The following GOLGA7B variants were observed in gnomAD, a reference collection of about 807,000 sequenced individuals.
The protein encoded by GOLGA7B is golgin A7 family member B.
In GOLGA7B, 17 loss-of-function variants were observed where a neutral mutation model predicts 21.5. That is an observed-to-expected ratio of 0.79 (90% confidence interval 0.54 to 1.19). GOLGA7B has a LOEUF of 1.19. GOLGA7B is among the 50% of genes most tolerant of loss of function. The pLI is 0.00. For synonymous variants in GOLGA7B, 87 were observed against 84.0 expected (o/e 1.04, Z -0.19); for missense variants, 169 against 224.4 (o/e 0.75, Z 1.58).
rs201805184 is a variant in GOLGA7B, at chr10:97,859,445, C to T, written c.13-13C>T. 67 of 1,613,750 alleles carry T rather than the reference C, an allele frequency of 4.2e-5. No homozygotes were observed. In the African/African-American group the frequency reaches 7.7e-4, roughly 19 times the overall value. ...GGTCACTCTCAGCACATGCCGCCCG[C>T]ACGTCTCCTCAGGTCCACAATCTGC... On this transcript the variant is annotated splice_polypyrimidine_tract_variant and intron_variant, in intron 1 of 4. Coordinates refer to ENST00000370602, the MANE Select transcript of GOLGA7B (RefSeq NM_001010917.3).
intron 1 of GOLGA7B, among the ~76,000 whole-genome samples, chr10:97,857,362 GACACACACACACACACACACAC>G (rs60908270): frequency 3.0e-5 from 4 of 135,446 alleles, no homozygotes; most frequent in Admixed American, 2.9e-4. Flanking sequence ...ACAATAGCCA[GACACACACACACACACACACAC>G]ACACACACAC....
rs2050050970 is a variant in GOLGA7B at position 97,868,252 on chromosome 10, A to T, written c.*2552A>T. The T allele has an allele frequency of 6.6e-6, 1 of 152,286 alleles. No homozygotes were observed. The highest frequency in any genetic ancestry group is 2.4e-5 in the African/African-American group (1 of 41,460). The allele number at this position is 152,286 out of a possible 1,614,324, so 9.4% of individuals were successfully genotyped here. A position where few individuals can be genotyped will look rare whatever the true frequency, so the allele number is the denominator to read the frequency against. ...GCTGAAACCATATGTTAGAGCTGGC[A>T]GGGGATTTAAAGATCACTTGAATCC... is the stretch of plus-strand genomic sequence containing the variant. On this transcript the variant is annotated 3_prime_UTR_variant, in exon 5 of 5. Transcript: ENST00000370602.
At chr10:97,865,437 G>A in intron 4 of GOLGA7B, 153 bp from the exon 5 acceptor site, 1 of 1,333,516 alleles carries the variant, frequency 7.5e-7, no homozygotes, top group Non-Finnish European at 1.0e-6. Context: ...GATGGGCTTG[G>A]GGAGGGTCTA....
At chr10:97,857,651 C>T (rs116584774) in intron 1 of GOLGA7B, among the ~76,000 whole-genome samples, 1 of 152,056 alleles carries the variant, frequency 6.6e-6, no homozygotes, top group African/African-American at 2.4e-5. Flanking sequence ...CAAAAGAGAA[C>T]CTGAATAGCC....
chr10:97,870,921 G>A lies in GOLGA7B; in HGVS notation c.*5221G>A, dbSNP rs1448425641. ...CCGTTATCTGAGGAGAGCATCTACA[G>A]CTTTCAGCAGATTCTCAAAGGGGTA... is the stretch of plus-strand genomic sequence containing the variant. On this transcript the variant is annotated 3_prime_UTR_variant, in exon 5 of 5. Coordinates refer to ENST00000370602, the MANE Select transcript of GOLGA7B (RefSeq NM_001010917.3). 1 of 152,176 alleles carries A rather than the reference G, an allele frequency of 6.6e-6. No homozygotes were observed. The highest frequency in any genetic ancestry group is 1.5e-5 in the Non-Finnish European group (1 of 68,024). The allele number at this position is 152,176 out of a possible 1,614,324, so 9.4% of individuals were successfully genotyped here. A position where few individuals can be genotyped will look rare whatever the true frequency, so the allele number is the denominator to read the frequency against.
chr10:97,855,790 T>C (rs1226169360), intron 1 of GOLGA7B, among the ~76,000 whole-genome samples: 1 of 152,228 alleles, frequency 6.6e-6, no homozygotes, highest in African/African-American at 2.4e-5. Context: ...CTCCGAGTTA[T>C]CATAGGTTCC....
rs2050072401 is a variant in GOLGA7B, at chr10:97,869,873, A to G, written c.*4173A>G. The G allele has an allele frequency of 1.3e-5, 2 of 152,290 alleles. No homozygotes were observed. The highest frequency in any genetic ancestry group is 2.1e-4 in the South Asian group (1 of 4,832). The allele number at this position is 152,290 out of a possible 1,614,324, so 9.4% of individuals were successfully genotyped here. The stretch of plus-strand genomic sequence containing the variant: ...CTCCACACCTCTAGAAGGACTCACA[A>G]TGAGGGGGGCCCAGACAGGAGGCAT... On this transcript the variant is annotated 3_prime_UTR_variant, in exon 5 of 5. Coordinates refer to ENST00000370602, the MANE Select transcript of GOLGA7B (RefSeq NM_001010917.3).
intron 4 of GOLGA7B, 31 bp downstream of exon 4, chr10:97,864,300 CACAGGACTGCTA>C: frequency 1.9e-6 from 3 of 1,563,074 alleles, no homozygotes; most frequent in Non-Finnish European, 1.8e-6. Flanking sequence ...GTGTTGAGGG[CACAGGACTGCTA>C]ACCAGTAGAG....
chr10:97,861,368 C>T (rs746368009), intron 2 of GOLGA7B, among the ~76,000 whole-genome samples: 4 of 152,226 alleles, frequency 2.6e-5, no homozygotes, highest in Admixed American at 6.5e-5. Context: ...ATCACAGTCT[C>T]GCAGGGAAAG....
chr10:97,870,954 C>G lies in GOLGA7B; in HGVS notation c.*5254C>G, dbSNP rs1018998474. On this transcript the variant is annotated 3_prime_UTR_variant, in exon 5 of 5. Transcript: ENST00000370602. ...CAGATTCTCAAAGGGGTATGCAACC[C>G]CCTAAAAAGGTTAAGAACAATTGGT... 2.0e-5 allele frequency: 3 copies of G among 152,130 alleles called. No individual in the cohort carries two copies. Among genetic ancestry groups the G allele is most frequent in the African/African-American group, 7.2e-5 (3 of 41,420 alleles). The allele number at this position is 152,130 out of a possible 1,614,324, so 9.4% of individuals were successfully genotyped here. A position where few individuals can be genotyped will look rare whatever the true frequency, so the allele number is the denominator to read the frequency against.
chr10:97,850,239 C>T lies in GOLGA7B; in HGVS notation c.-65C>T, dbSNP rs1422469554. 1.5e-6 allele frequency: 2 copies of T among 1,297,328 alleles called. No individual in the cohort carries two copies. Among genetic ancestry groups the T allele is most frequent in the Non-Finnish European group, 1.0e-6 (1 of 981,132 alleles). 80.4% of individuals were successfully genotyped at this position (1,297,328 alleles called of 1,614,324 possible). A position where few individuals can be genotyped will look rare whatever the true frequency, so the allele number is the denominator to read the frequency against. On this transcript the variant is annotated 5_prime_UTR_variant, in exon 1 of 5. Transcript: ENST00000370602. ...GCCACCGCCGCCGCCCACCTGCTCC[C>T]GGGGTCAGCACCGCGGAGACCCCCC...
intron 1 of GOLGA7B, among the ~76,000 whole-genome samples, chr10:97,852,393 C>T (rs554090950): frequency 2.6e-5 from 4 of 152,056 alleles, no homozygotes; most frequent in East Asian, 1.9e-4. Flanking sequence ...AGGAAAGTCC[C>T]GGAGTGATGG....
At chr10:97,859,118 A>G (rs535652451) in intron 1 of GOLGA7B, among the ~76,000 whole-genome samples, 5 of 152,282 alleles carry the variant, frequency 3.3e-5, no homozygotes, top group African/African-American at 1.2e-4. Flanking sequence ...CAGTGGTGCA[A>G]TCACAACTTA....
rs1160258358 is a variant in GOLGA7B at position 97,862,758 on chromosome 10, C to A, written c.139-1172C>A. On this transcript the variant is annotated intron_variant, in intron 2 of 4. Transcript: ENST00000370602. Reference sequence around the variant, plus strand: ...TACCTCACTCAGGAGGTAACAAATACTAGAAGAATAAGGGGAGGATGTCAC... The same window carrying A: ...TACCTCACTCAGGAGGTAACAAATAATAGAAGAATAAGGGGAGGATGTCAC... Among the ~76,000 whole-genome samples, 3 of 151,990 alleles carry A rather than the reference C, an allele frequency of 2.0e-5. No individual in the cohort carries two copies. In the East Asian group the frequency reaches 5.8e-4, roughly 29 times the overall value.
At position 97,870,391 on chromosome 10, in the gene GOLGA7B, AAGAC is replaced by A. The variant is rs370845926; in HGVS notation, c.*4694_*4697del. The A allele has an allele frequency of 2.6e-5, 4 of 152,246 alleles. No individual in the cohort carries two copies. The highest frequency in any genetic ancestry group is 1.9e-4 in the East Asian group (1 of 5,180). The allele number at this position is 152,246 out of a possible 1,614,324, so 9.4% of individuals were successfully genotyped here. A position where few individuals can be genotyped will look rare whatever the true frequency, so the allele number is the denominator to read the frequency against. On this transcript the variant is annotated 3_prime_UTR_variant, in exon 5 of 5. Coordinates refer to ENST00000370602, the MANE Select transcript of GOLGA7B (RefSeq NM_001010917.3). ...TGTGATTCCCCTTATATGAAACTGA[AAGAC>A]AGGCCAAACTCGCCTTTGATTGGGA... is the stretch of plus-strand genomic sequence containing the variant.
At chr10:97,865,105 A>G (rs532682664) in intron 4 of GOLGA7B, 2 of 156,202 alleles carry the variant, frequency 1.3e-5, no homozygotes, top group East Asian at 3.8e-4. Flanking sequence ...TAATCTCCAC[A>G]CTAACCCCAA....
rs973501272 is a variant in GOLGA7B, at chr10:97,868,396, G to A, written c.*2696G>A. ...ACTCAGTGCCCACTCTGTTACCACA[G>A]GGATGGCACCCAGATGGGAAGCTGC... On this transcript the variant is annotated 3_prime_UTR_variant, in exon 5 of 5. Coordinates refer to ENST00000370602, the MANE Select transcript of GOLGA7B (RefSeq NM_001010917.3). The A allele has an allele frequency of 1.3e-5, 2 of 152,268 alleles. No individual in the cohort carries two copies. Among genetic ancestry groups the A allele is most frequent in the South Asian group, 4.1e-4 (2 of 4,826 alleles). The allele number at this position is 152,268 out of a possible 1,614,324, so 9.4% of individuals were successfully genotyped here.
In GOLGA7B at chr10:97,865,770, T is replaced by C; in HGVS notation, c.*70T>C. 7.4e-7 allele frequency: 1 copy of C among 1,344,556 alleles called. No individual in the cohort carries two copies. Among genetic ancestry groups the C allele is most frequent in the Non-Finnish European group, 9.7e-7 (1 of 1,026,522 alleles). 83.3% of individuals were successfully genotyped at this position (1,344,556 alleles called of 1,614,324 possible). On this transcript the variant is annotated 3_prime_UTR_variant, in exon 5 of 5. Coordinates refer to ENST00000370602, the MANE Select transcript of GOLGA7B (RefSeq NM_001010917.3). ...CCTTGCAGACCTGCGGCGGCTGCGC[T>C]ACCAGAGCACCCGCTTCTGAGTCAT...
rs199607686 is a variant in GOLGA7B, at chr10:97,869,349, GGT to G, written c.*3651_*3652del. 0.018 allele frequency: 2,688 copies of G among 152,624 alleles called. 37 individuals are homozygous for G. The highest frequency in any genetic ancestry group is 0.025 in the Non-Finnish European group (1,739 of 68,282). The allele number at this position is 152,624 out of a possible 1,614,324, so 9.5% of individuals were successfully genotyped here. A position where few individuals can be genotyped will look rare whatever the true frequency, so the allele number is the denominator to read the frequency against. On this transcript the variant is annotated 3_prime_UTR_variant, in exon 5 of 5. Transcript: ENST00000370602. ...GTTTCTCTCTGCTGGCTTAGTTACA[GGT>G]GGTGGCCTGTCTCTCCGGGGTCTGG...
Sources: allele counts gnomAD v4.1 joint callset (sites outside exome capture counted in the v4.1 genomes callset), GRCh38; gene constraint gnomAD v4.1.1; transcripts MANE v1.5; gene names NCBI Gene and HGNC (gene_info 2026-07-23, HGNC 2026-07-21).